Variants in IL1RAPL1 observed in about 807,000 individuals in gnomAD.
The protein encoded by IL1RAPL1 is interleukin-1 receptor accessory protein-like 1.
In IL1RAPL1, 3 loss-of-function variants were observed where a neutral mutation model predicts 48.4. The observed-to-expected ratio is 0.06, with a 90% CI of 0.03 to 0.16. The LOEUF (loss-of-function observed/expected upper bound fraction) is 0.16, where lower values mean the gene tolerates loss of function less well. Ranked by LOEUF, IL1RAPL1 falls within the 10% of genes least tolerant of loss-of-function variation. The pLI, the probability that IL1RAPL1 is intolerant of heterozygous loss-of-function variation, is 1.00. For missense variants in IL1RAPL1, 349 were observed against 530.6 expected (o/e 0.66, Z 3.36); for synonymous variants, 185 against 187.7 (o/e 0.99, Z 0.12).
intron 8 of IL1RAPL1, among the ~76,000 whole-genome samples, chrX:29,937,880 G>C (rs756796402): frequency 2.7e-5 from 3 of 111,386 alleles, no homozygotes; most frequent in Non-Finnish European, 5.7e-5. Context: ...ACTTGTTTTT[G>C]GTATTCCTAT....
chrX:29,800,959 C>T lies in IL1RAPL1; in HGVS notation c.779-116505C>T, dbSNP rs763941701. Among the ~76,000 whole-genome samples the T allele has an allele frequency of 9.7e-4, 85 of 87,224 alleles. No individual in the cohort carries two copies. In the South Asian group the frequency reaches 0.014, roughly 14 times the overall value. 75.7% of individuals were successfully genotyped at this position (87,224 alleles called of 115,157 possible). A position where few individuals can be genotyped will look rare whatever the true frequency, so the allele number is the denominator to read the frequency against. ...AGGTTGTGGTGAGCCAAGATGGCAC[C>T]GTTGCACTCCAGCCTGGGCAACAAG... On this transcript the variant is annotated intron_variant, in intron 6 of 10. Transcript: ENST00000378993.
intron 6 of IL1RAPL1, among the ~76,000 whole-genome samples, chrX:29,877,691 C>T (rs758847659): frequency 1.5e-4 from 17 of 111,596 alleles, no homozygotes; most frequent in Admixed American, 5.7e-4. Flanking sequence ...ACCGATAGAA[C>T]GAGTAAGATG....
At chrX:29,025,399 C>G (rs1266362289) in intron 2 of IL1RAPL1, among the ~76,000 whole-genome samples, 3 of 111,632 alleles carry the variant, frequency 2.7e-5, no homozygotes, top group African/African-American at 6.5e-5. Context: ...CAGTTTCTGG[C>G]CTAGCTTAGC....
chrX:28,651,737 T>G lies in IL1RAPL1; in HGVS notation c.-25+63690T>G, dbSNP rs181777883. Among the ~76,000 whole-genome samples, 28 of 112,488 alleles carry G rather than the reference T, an allele frequency of 2.5e-4. No homozygotes were observed. The East Asian group carries it at 7.0e-3, about 28-fold the overall frequency. On this transcript the variant is annotated intron_variant, in intron 1 of 10. Coordinates refer to ENST00000378993, the MANE Select transcript of IL1RAPL1 (RefSeq NM_014271.4). ...CACCTTCATTCTGAATGGCGTTTGG[T>G]ATATTCTACTTTGTTATGTTGAACA...
At chrX:28,893,748 A>T (rs779040429) in intron 2 of IL1RAPL1, among the ~76,000 whole-genome samples, 3 of 111,732 alleles carry the variant, frequency 2.7e-5, no homozygotes, top group Non-Finnish European at 5.6e-5. Flanking sequence ...GTTCTAAGAG[A>T]CGGGCTAGCG....
intron 2 of IL1RAPL1, among the ~76,000 whole-genome samples, chrX:29,228,901 G>T (rs1931141660): frequency 1.8e-5 from 2 of 111,014 alleles, no homozygotes; most frequent in East Asian, 2.8e-4. Flanking sequence ...CTTCTTTCCT[G>T]CTCTGCTCCA....
chrX:29,117,096 G>A (rs1434280858), intron 2 of IL1RAPL1, among the ~76,000 whole-genome samples: 1 of 111,435 alleles, frequency 9.0e-6, no homozygotes, highest in Non-Finnish European at 1.9e-5. Context: ...TGATTAGGAT[G>A]TGATTGAAAC....
chrX:29,080,996 C>CTTTCTT (rs202166358), intron 2 of IL1RAPL1, among the ~76,000 whole-genome samples: 1,012 of 42,186 alleles, frequency 0.024, 27 homozygotes, highest in African/African-American at 0.062. Flanking sequence ...TTCTTTCTTT[C>CTTTCTT]TCTCTCTCTC....
intron 1 of IL1RAPL1, among the ~76,000 whole-genome samples, chrX:28,690,350 T>C (rs1244882882): frequency 8.9e-6 from 1 of 112,008 alleles, no homozygotes; most frequent in Non-Finnish European, 1.9e-5. Flanking sequence ...TCAGCTCTTT[T>C]AACACATGCA....
intron 5 of IL1RAPL1, among the ~76,000 whole-genome samples, chrX:29,422,804 GA>G (rs1439384733): frequency 1.8e-5 from 2 of 111,219 alleles, no homozygotes; most frequent in Middle Eastern, 4.2e-3. Context: ...ACTACAAGAT[GA>G]AAAACCTATG....
chrX:29,175,103 T>C (rs377240596), intron 2 of IL1RAPL1, among the ~76,000 whole-genome samples: 1 of 97,300 alleles, frequency 1.0e-5, no homozygotes, highest in Non-Finnish European at 2.1e-5. Flanking sequence ...AAGAGAAAAA[T>C]AGAAAAAAAG....
At chrX:29,662,523 CT>C (rs1177927213) in intron 5 of IL1RAPL1, among the ~76,000 whole-genome samples, 1 of 111,798 alleles carries the variant, frequency 8.9e-6, no homozygotes, top group Non-Finnish European at 1.9e-5. Flanking sequence ...TTTTGTCTGT[CT>C]TGTTCACTAT....
chrX:29,862,535 A>G (rs1193157748), intron 6 of IL1RAPL1, among the ~76,000 whole-genome samples: 1 of 112,030 alleles, frequency 8.9e-6, no homozygotes, highest in Non-Finnish European at 1.9e-5. Flanking sequence ...TTTATAATGC[A>G]TGAGACCCTC....
intron 5 of IL1RAPL1, among the ~76,000 whole-genome samples, chrX:29,643,912 C>T (rs190657657): frequency 3.4e-4 from 38 of 111,739 alleles, no homozygotes; most frequent in Non-Finnish European, 5.8e-4. Flanking sequence ...GCGTAATACC[C>T]GCCACCTTAA....
intron 6 of IL1RAPL1, among the ~76,000 whole-genome samples, chrX:29,860,513 C>A (rs1388559612): frequency 3.6e-5 from 4 of 110,698 alleles, no homozygotes; most frequent in Non-Finnish European, 7.6e-5. Flanking sequence ...CTCCCCTATC[C>A]CTCCACCCCC....
intron 3 of IL1RAPL1, among the ~76,000 whole-genome samples, chrX:29,343,917 G>C (rs1343237461): frequency 9.0e-6 from 1 of 111,546 alleles, no homozygotes; most frequent in Non-Finnish European, 1.9e-5. Context: ...CACAAATGTA[G>C]GTAGGAGAGC....
chrX:29,052,158 A>T (rs1166211760), intron 2 of IL1RAPL1, among the ~76,000 whole-genome samples: 1 of 111,965 alleles, frequency 8.9e-6, no homozygotes, highest in Non-Finnish European at 1.9e-5. Context: ...AAACATATTT[A>T]TCTTTTTGTT....
chrX:29,871,920 C>T (rs1931806674), intron 6 of IL1RAPL1, among the ~76,000 whole-genome samples: 2 of 110,762 alleles, frequency 1.8e-5, no homozygotes, highest in South Asian at 3.9e-4. Context: ...GATGTGGTTT[C>T]GCCATGTTGG....
At chrX:29,094,188 G>A (rs970903098) in intron 2 of IL1RAPL1, among the ~76,000 whole-genome samples, 1 of 111,143 alleles carries the variant, frequency 9.0e-6, no homozygotes, top group Non-Finnish European at 1.9e-5. Flanking sequence ...GATCACTGAC[G>A]ATTAAAACCA....
Sources: gnomAD v4.1 joint callset for allele counts (sites outside exome capture counted in the v4.1 genomes callset) on GRCh38, gnomAD v4.1.1 for gene constraint, MANE v1.5 for transcripts, NCBI Gene and HGNC (gene_info 2026-07-23, HGNC 2026-07-21) for gene names.